Variants in ADARB2 observed in about 807,000 individuals in gnomAD.
ADARB2 encodes the protein adenosine deaminase RNA specific B2 (inactive).
Under a neutral mutation model 62.2 loss-of-function variants are expected in ADARB2, and 25 were observed. The observed-to-expected ratio is 0.40, with a 90% CI of 0.29 to 0.56. The LOEUF (loss-of-function observed/expected upper bound fraction) is 0.56, where lower values mean the gene tolerates loss of function less well. ADARB2 is among the 20% of genes least tolerant of loss of function. The probability of loss-of-function intolerance (pLI) is 0.43; values close to 1 mark genes in which losing one functional copy is unlikely to be tolerated. For missense variants in ADARB2, 1,071 were observed against 1,077.4 expected (o/e 0.99, Z 0.08); for synonymous variants, 572 against 500.8 (o/e 1.14, Z -1.90).
intron 1 of ADARB2, among the ~76,000 whole-genome samples, chr10:1,493,216 GTATT>G (rs754999433): frequency 6.5e-4 from 99 of 152,212 alleles, no homozygotes; most frequent in Middle Eastern, 3.4e-3. Context: ...ATCTATCATA[GTATT>G]TTATTTTTGC....
chr10:1,353,300 C>A (rs2131845279), intron 3 of ADARB2, among the ~76,000 whole-genome samples: 1 of 152,320 alleles, frequency 6.6e-6, no homozygotes, highest in Middle Eastern at 3.4e-3. Flanking sequence ...ACCACACTAT[C>A]AACCTTACCC....
rs201552695 is a variant in ADARB2 at position 1,308,353 on chromosome 10, C to G, written c.1078-37284G>C. ...GTCTTCCTTCTTTGTAATGCTGACTCATATTCCATTTTCTGGATGGATGAG... is the reference window on the plus strand; with the variant it reads ...GTCTTCCTTCTTTGTAATGCTGACTGATATTCCATTTTCTGGATGGATGAG... On this transcript the variant is annotated intron_variant, in intron 3 of 9. Coordinates refer to ENST00000381312, the MANE Select transcript of ADARB2 (RefSeq NM_018702.4). Among the ~76,000 whole-genome samples, 6 of 152,308 alleles carry G rather than the reference C, an allele frequency of 3.9e-5. No homozygotes were observed. The South Asian group carries it at 1.0e-3, about 26-fold the overall frequency.
intron 4 of ADARB2, among the ~76,000 whole-genome samples, chr10:1,270,314 C>T (rs1196047003): frequency 6.6e-6 from 1 of 152,166 alleles, no homozygotes; most frequent in African/African-American, 2.4e-5. Flanking sequence ...TACTATTTCA[C>T]AGTAATGACT....
intron 6 of ADARB2, among the ~76,000 whole-genome samples, chr10:1,221,015 G>T (rs1830690473): frequency 6.6e-6 from 1 of 152,190 alleles, no homozygotes; most frequent in Admixed American, 6.5e-5. Flanking sequence ...AGCAGCCCCA[G>T]GGTGGCTTGA....
rs111386655 is a variant in ADARB2, at chr10:1,353,788, A to T, written c.1077+9240T>A. On this transcript the variant is annotated intron_variant, in intron 3 of 9. Coordinates refer to ENST00000381312, the MANE Select transcript of ADARB2 (RefSeq NM_018702.4). ...CAATTAGAGCCTTCCAGTTCCGTAT[A>T]ACAGACAAGCCCTCTATCAATACTG... 6.5e-3 allele frequency among the ~76,000 whole-genome samples: 985 copies of T among 152,304 alleles called. 15 individuals are homozygous for T. The highest frequency in any genetic ancestry group is 0.022 in the African/African-American group (924 of 41,562).
At chr10:1,194,140 C>T (rs1836876039) in intron 8 of ADARB2, among the ~76,000 whole-genome samples, 1 of 152,158 alleles carries the variant, frequency 6.6e-6, no homozygotes, top group South Asian at 2.1e-4. Flanking sequence ...GGCTGTAGCA[C>T]CCAACTAGAT....
chr10:1,370,116 G>T (rs1039483802), intron 2 of ADARB2, among the ~76,000 whole-genome samples: 8 of 152,204 alleles, frequency 5.3e-5, no homozygotes, highest in Non-Finnish European at 1.2e-4. Context: ...GATCAAGGGG[G>T]TTTTATTCTA....
intron 5 of ADARB2, among the ~76,000 whole-genome samples, chr10:1,240,764 A>G (rs922582086): frequency 6.6e-6 from 1 of 152,226 alleles, no homozygotes; most frequent in African/African-American, 2.4e-5. Context: ...CTCCTGGTAA[A>G]TATTGGTCCA....
intron 1 of ADARB2, among the ~76,000 whole-genome samples, chr10:1,479,139 A>C (rs1011623749): frequency 2.0e-5 from 3 of 152,218 alleles, no homozygotes. Flanking sequence ...TCTCTGGGTC[A>C]ACCAGGATCC....
intron 1 of ADARB2, among the ~76,000 whole-genome samples, chr10:1,728,656 C>G (rs1243720932): frequency 1.3e-5 from 2 of 152,206 alleles, no homozygotes; most frequent in Admixed American, 6.5e-5. Flanking sequence ...CAGGTGATTA[C>G]ATAAAATTAT....
rs533135506 is a variant in ADARB2, at chr10:1,189,666, C to G, written c.1865-4627G>C. ...GGGCACCTACTCAGGCCTGTCCCAC[C>G]CTGTTCCTCAAGATAACACAGCAGC... On this transcript the variant is annotated intron_variant, in intron 8 of 9. Coordinates refer to ENST00000381312, the MANE Select transcript of ADARB2 (RefSeq NM_018702.4). Among the ~76,000 whole-genome samples, 11 of 152,160 alleles carry G rather than the reference C, an allele frequency of 7.2e-5. No homozygotes were observed. The South Asian group carries it at 1.9e-3, about 26-fold the overall frequency.
Position 1,473,913 on chromosome 10 carries a change from C to T in ADARB2, c.101-94753G>A, listed in dbSNP as rs1487262196. ...GTCAAGTTCCACCCTAGAGCTGAAG[C>T]GTGGCCGATTACGGAGGAGCCCTTG... On this transcript the variant is annotated intron_variant, in intron 1 of 9. Coordinates refer to ENST00000381312, the MANE Select transcript of ADARB2 (RefSeq NM_018702.4). Among the ~76,000 whole-genome samples the T allele has an allele frequency of 1.1e-3, 8 of 7,480 alleles. No homozygotes were observed. The Admixed American group carries it at 0.011, about 10-fold the overall frequency. The allele number at this position is 7,480 out of a possible 152,430, so 4.9% of individuals were successfully genotyped here.
In ADARB2 at chr10:1,591,299, G is replaced by T. The variant is rs547099411; in HGVS notation, c.100+145752C>A. ...CACTGCAGGGCTGCTCGGAGGCTCC[G>T]CGAGGGCGTGCCATCCCCTTCCTTC... On this transcript the variant is annotated intron_variant, in intron 1 of 9. Transcript: ENST00000381312. Among the ~76,000 whole-genome samples, 34 of 152,318 alleles carry T rather than the reference G, an allele frequency of 2.2e-4. No individual in the cohort carries two copies. In the East Asian group the frequency reaches 6.4e-3, roughly 29 times the overall value.
intron 1 of ADARB2, among the ~76,000 whole-genome samples, chr10:1,638,853 G>T (rs1041236900): frequency 9.9e-5 from 15 of 152,208 alleles, no homozygotes; most frequent in African/African-American, 3.6e-4. Context: ...TTAAAATGGT[G>T]TGTCGGGGGC....
chr10:1,346,598 C>A (rs1245847589), intron 3 of ADARB2, among the ~76,000 whole-genome samples: 1 of 152,240 alleles, frequency 6.6e-6, no homozygotes, highest in Non-Finnish European at 1.5e-5. Flanking sequence ...ATTTGACCCC[C>A]AGCCATGCTG....
intron 1 of ADARB2, among the ~76,000 whole-genome samples, chr10:1,642,011 T>TA (rs11353381): frequency 4.6e-4 from 69 of 151,246 alleles, no homozygotes; most frequent in African/African-American, 1.6e-3. Context: ...AGACTCCATT[T>TA]AAAAAAAAAA....
At chr10:1,563,013 G>A (rs1832806724) in intron 1 of ADARB2, among the ~76,000 whole-genome samples, 1 of 152,172 alleles carries the variant, frequency 6.6e-6, no homozygotes, top group Admixed American at 6.5e-5. Context: ...ACTGTCTGTG[G>A]TGAGAACGTC....
intron 1 of ADARB2, among the ~76,000 whole-genome samples, chr10:1,642,405 T>C (rs1187364619): frequency 1.3e-5 from 2 of 152,184 alleles, no homozygotes; most frequent in African/African-American, 4.8e-5. Context: ...TGGGATGAGT[T>C]AAGTATTAGT....
intron 3 of ADARB2, among the ~76,000 whole-genome samples, chr10:1,314,689 T>C (rs1426645873): frequency 6.6e-6 from 1 of 152,158 alleles, no homozygotes; most frequent in Non-Finnish European, 1.5e-5. Flanking sequence ...GTGATGATAG[T>C]CTGCCAACCA....
Sources: gnomAD v4.1 joint callset for allele counts (sites outside exome capture counted in the v4.1 genomes callset) on GRCh38, gnomAD v4.1.1 for gene constraint, MANE v1.5 for transcripts, NCBI Gene and HGNC (gene_info 2026-07-23, HGNC 2026-07-21) for gene names.